SYN2: variants seen among roughly 807,000 people sequenced by gnomAD.
SYN2 encodes the protein synapsin II.
Under a neutral mutation model 50.9 loss-of-function variants are expected in SYN2, and 19 were observed. The observed-to-expected ratio is 0.37, with a 90% CI of 0.26 to 0.55. The LOEUF is 0.55. SYN2 is among the 20% of genes least tolerant of loss of function. SYN2 has a pLI of 0.81. For missense variants in SYN2, 587 were observed against 576.4 expected (o/e 1.02, Z -0.19); for synonymous variants, 255 against 224.9 (o/e 1.13, Z -1.20).
Position 12,096,754 on chromosome 3 carries a change from T to C in SYN2, c.378-43897T>C, listed in dbSNP as rs1026416645. On this transcript the variant is annotated intron_variant, in intron 1 of 12. Transcript: ENST00000621198. ...CATATATAGTAGAAGTTTTGCAGTT[T>C]AAAAGTTAGTAACAAATGAAAAATT... Among the ~76,000 whole-genome samples the C allele has an allele frequency of 2.0e-5, 3 of 152,110 alleles. No homozygotes were observed. The South Asian group carries it at 6.2e-4, about 32-fold the overall frequency.
At chr3:12,018,339 C>T (rs1694064167) in intron 1 of SYN2, among the ~76,000 whole-genome samples, 1 of 151,498 alleles carries the variant, frequency 6.6e-6, no homozygotes, top group Non-Finnish European at 1.5e-5. Flanking sequence ...GGCTAGTTGG[C>T]ATAAAGGTTT....
intron 1 of SYN2, among the ~76,000 whole-genome samples, chr3:12,075,287 C>T (rs565957841): frequency 6.6e-6 from 1 of 152,240 alleles, no homozygotes; most frequent in African/African-American, 2.4e-5. Flanking sequence ...AAGGTTGTCA[C>T]AAAGGTTGTT....
intron 1 of SYN2, among the ~76,000 whole-genome samples, chr3:12,047,555 T>C (rs929177271): frequency 2.0e-5 from 3 of 152,286 alleles, no homozygotes; most frequent in South Asian, 2.1e-4. Flanking sequence ...CTTCAGCAGC[T>C]TGGGGACACA....
At chr3:12,134,132 T>G (rs1213142745) in intron 1 of SYN2, among the ~76,000 whole-genome samples, 1 of 152,168 alleles carries the variant, frequency 6.6e-6, no homozygotes, top group African/African-American at 2.4e-5. Flanking sequence ...ATCATAAAAA[T>G]AACAGTCATT....
intron 1 of SYN2, among the ~76,000 whole-genome samples, chr3:12,086,812 A>T (rs1695711108): frequency 6.6e-6 from 1 of 152,328 alleles, no homozygotes; most frequent in East Asian, 1.9e-4. Flanking sequence ...TAAGACCAGG[A>T]TGCTACTCTT....
intron 10 of SYN2, among the ~76,000 whole-genome samples, chr3:12,173,093 C>T (rs1697973957): frequency 6.6e-6 from 1 of 152,186 alleles, no homozygotes; most frequent in Admixed American, 6.5e-5. Context: ...CACCATTTCT[C>T]AGATGGTATC....
At chr3:12,144,279 GT>G (rs1465486419) in intron 3 of SYN2, among the ~76,000 whole-genome samples, 2 of 152,172 alleles carry the variant, frequency 1.3e-5, no homozygotes, top group South Asian at 2.1e-4. Flanking sequence ...CTCAACCTCA[GT>G]TCTGCGAAAA....
At chr3:12,087,381 G>A (rs762749368) in intron 1 of SYN2, among the ~76,000 whole-genome samples, 2 of 151,962 alleles carry the variant, frequency 1.3e-5, no homozygotes, top group Non-Finnish European at 2.9e-5. Flanking sequence ...GTAAGAAACC[G>A]TAAAAGACTA....
rs140022692 is a variant in SYN2 at position 12,154,160 on chromosome 3, G to A, written c.774+2834G>A. On this transcript the variant is annotated intron_variant, in intron 5 of 12. Coordinates refer to ENST00000621198, the MANE Select transcript of SYN2 (RefSeq NM_133625.6). ...TGATGGCCACCTTCCCAGCCAAAGT[G>A]TAAGTACTTTGAGATCAGGGCCTAT... Among the ~76,000 whole-genome samples, 1,423 of 152,288 alleles carry A rather than the reference G, an allele frequency of 9.3e-3. 9 individuals are homozygous for A. The highest frequency in any genetic ancestry group is 0.014 in the Non-Finnish European group (956 of 68,024).
chr3:12,158,522 G>A (rs1321523899), intron 5 of SYN2: 1 of 833,020 alleles, frequency 1.2e-6, no homozygotes, highest in Non-Finnish European at 1.8e-6. Flanking sequence ...AATCAGTCAG[G>A]TTCTGGGCTT....
At chr3:12,065,238 A>G (rs901674499) in intron 1 of SYN2, among the ~76,000 whole-genome samples, 4 of 152,274 alleles carry the variant, frequency 2.6e-5, no homozygotes, top group East Asian at 1.9e-4. Flanking sequence ...GGGAACACCT[A>G]CACACCTAGA....
intron 1 of SYN2, among the ~76,000 whole-genome samples, chr3:12,060,485 G>C (rs543273856): frequency 6.6e-6 from 1 of 152,128 alleles, no homozygotes; most frequent in Non-Finnish European, 1.5e-5. Flanking sequence ...AGAAATACTC[G>C]TGAAGGTGAC....
At chr3:12,076,184 A>G (rs1439586503) in intron 1 of SYN2, among the ~76,000 whole-genome samples, 1 of 152,058 alleles carries the variant, frequency 6.6e-6, no homozygotes, top group Non-Finnish European at 1.5e-5. Context: ...CGCTGGGGAA[A>G]AGCAGTCTAG....
chr3:12,102,474 C>T (rs768732668), intron 1 of SYN2, among the ~76,000 whole-genome samples: 2 of 151,878 alleles, frequency 1.3e-5, no homozygotes, highest in South Asian at 2.1e-4. Flanking sequence ...TATTATGATC[C>T]GATTTTGTGC....
At chr3:12,164,984 CTTTTTTT>C (rs68043865) in intron 7 of SYN2, among the ~76,000 whole-genome samples, 1 of 92,344 alleles carries the variant, frequency 1.1e-5, no homozygotes, top group East Asian at 3.0e-4. Context: ...TTTTTCTTTT[CTTTTTTT>C]TTTTTTTTTT....
At chr3:12,017,554 T>G (rs567439845) in intron 1 of SYN2, among the ~76,000 whole-genome samples, 9 of 152,322 alleles carry the variant, frequency 5.9e-5, no homozygotes, top group Non-Finnish European at 4.4e-5. Context: ...ATGTTTGACC[T>G]TGAACAATTT....
At chr3:12,163,696 A>G (rs188793415) in intron 7 of SYN2, among the ~76,000 whole-genome samples, 23 of 152,160 alleles carry the variant, frequency 1.5e-4, no homozygotes, top group Non-Finnish European at 1.5e-5. Context: ...TTTTACCTTT[A>G]TTGTCTAGAT....
intron 10 of SYN2, among the ~76,000 whole-genome samples, chr3:12,182,018 C>T (rs1458089865): frequency 1.3e-5 from 2 of 152,170 alleles, no homozygotes; most frequent in African/African-American, 4.8e-5. Flanking sequence ...TGTGGTGGCA[C>T]TGAGGACATT....
intron 1 of SYN2, among the ~76,000 whole-genome samples, chr3:12,035,521 A>T (rs568484216): frequency 5.9e-5 from 9 of 152,316 alleles, no homozygotes; most frequent in African/African-American, 2.2e-4. Flanking sequence ...GTAATACCTG[A>T]ACTCCCCAAT....
Sources: allele counts gnomAD v4.1 joint callset (sites outside exome capture counted in the v4.1 genomes callset), GRCh38; gene constraint gnomAD v4.1.1; transcripts MANE v1.5; gene names NCBI Gene and HGNC (gene_info 2026-07-23, HGNC 2026-07-21).